The following ERC1 variants were observed in gnomAD, a reference collection of about 807,000 sequenced individuals.
ERC1 encodes RAB6 interacting protein 2.
A neutral mutation model predicts 132.0 loss-of-function variants in ERC1; 56 were observed. That is an observed-to-expected ratio of 0.42 (90% CI 0.34 to 0.53). The LOEUF is 0.53. Ranked by LOEUF, ERC1 falls within the 20% of genes least tolerant of loss-of-function variation. The probability of loss-of-function intolerance (pLI) is 0.03; values close to 1 mark genes in which losing one functional copy is unlikely to be tolerated. For missense variants in ERC1, 1,202 were observed against 1,349.9 expected, an observed-to-expected ratio of 0.89 and a Z score of 1.72; for synonymous variants, 478 against 476.1, an observed-to-expected ratio of 1.00 and a Z score of -0.05.
intron 12 of ERC1, among the ~76,000 whole-genome samples, chr12:1,235,339 A>T (rs2154302309): frequency 6.6e-6 from 1 of 152,364 alleles, no homozygotes; most frequent in South Asian, 2.1e-4. Flanking sequence ...AGCCTTGGCG[A>T]CTGAGTGAGA....
At position 1,082,944 on chromosome 12, in the gene ERC1, T is replaced by C. The variant is rs1288432968; in HGVS notation, c.670-220T>C. ...TATGCAAAGTGAGGAGTGAGTGCCA[T>C]ACTTATTTTGCTTCCTGTTGAGAAT... On this transcript the variant is annotated intron_variant, in intron 2 of 18. Coordinates refer to ENST00000360905, the MANE Select transcript of ERC1 (RefSeq NM_178040.4). 3.9e-5 allele frequency among the ~76,000 whole-genome samples: 6 copies of C among 152,200 alleles called. No homozygotes were observed. The East Asian group carries it at 1.2e-3, about 29-fold the overall frequency.
intron 8 of ERC1, among the ~76,000 whole-genome samples, chr12:1,171,421 T>C (rs1953060231): frequency 6.7e-6 from 1 of 149,052 alleles, no homozygotes; most frequent in Non-Finnish European, 1.5e-5. Flanking sequence ...TTTGTCCGAG[T>C]GTCTGATGGT....
At chr12:1,440,365 C>G (rs1290912620) in intron 17 of ERC1, among the ~76,000 whole-genome samples, 1 of 149,704 alleles carries the variant, frequency 6.7e-6, no homozygotes, top group African/African-American at 2.5e-5. Flanking sequence ...CCACCACGCC[C>G]GGCTAATTTT....
chr12:1,167,936 G>A (rs1408226410), intron 8 of ERC1, among the ~76,000 whole-genome samples: 1 of 151,790 alleles, frequency 6.6e-6, no homozygotes, highest in Non-Finnish European at 1.5e-5. Context: ...GGATGCTCTC[G>A]ATCTCCTGAC....
chr12:1,140,399 A>G (rs1482469498), intron 7 of ERC1, among the ~76,000 whole-genome samples: 1 of 152,156 alleles, frequency 6.6e-6, no homozygotes, highest in African/African-American at 2.4e-5. Flanking sequence ...TGAGTTTGGG[A>G]ATATTTGCAT....
At chr12:1,453,302 C>G (rs915764669) in intron 18 of ERC1, among the ~76,000 whole-genome samples, 2 of 152,148 alleles carry the variant, frequency 1.3e-5, no homozygotes, top group Non-Finnish European at 2.9e-5. Flanking sequence ...CTACTGGACT[C>G]CCTGTCTCCT....
chr12:1,198,423 C>T (rs2154281827), intron 12 of ERC1, among the ~76,000 whole-genome samples: 1 of 152,292 alleles, frequency 6.6e-6, no homozygotes, highest in Middle Eastern at 3.4e-3. Flanking sequence ...TGCACTGCTA[C>T]AATTATTCTG....
chr12:1,297,538 C>CAAAA (rs34023344), intron 15 of ERC1, among the ~76,000 whole-genome samples: 2 of 80,548 alleles, frequency 2.5e-5, no homozygotes, highest in African/African-American at 4.6e-5. Context: ...CCTGTTTCTA[C>CAAAA]AAAAAAAAAA....
rs7309184 is a variant in ERC1, at chr12:1,034,813, C to G, written c.669+6241C>G. ...GTGTGGAAAATACGTAATATCCTTT[C>G]TAAGTATCAGTCTGCATTCAAAGAC... On this transcript the variant is annotated intron_variant, in intron 2 of 18. Transcript: ENST00000360905. 6.9e-3 allele frequency among the ~76,000 whole-genome samples: 1,053 copies of G among 152,326 alleles called. 12 individuals are homozygous for G. Among genetic ancestry groups the G allele is most frequent in the Non-Finnish European group, 0.011 (762 of 68,032 alleles).
intron 2 of ERC1, among the ~76,000 whole-genome samples, chr12:1,035,648 C>G (rs1968909189): frequency 6.6e-6 from 1 of 152,098 alleles, no homozygotes; most frequent in African/African-American, 2.4e-5. Context: ...TGGGGCCGGG[C>G]TCAGTGGCTC....
At chr12:1,111,448 T>G (rs1252668594) in intron 5 of ERC1, among the ~76,000 whole-genome samples, 1 of 152,196 alleles carries the variant, frequency 6.6e-6, no homozygotes, top group African/African-American at 2.4e-5. Flanking sequence ...TGTGAAGGAA[T>G]GATAACATCA....
chr12:1,442,961 G>GC (rs1159521354), intron 17 of ERC1, among the ~76,000 whole-genome samples: 2 of 152,022 alleles, frequency 1.3e-5, no homozygotes, highest in Non-Finnish European at 1.5e-5. Context: ...AGGCTGGAGT[G>GC]CAGTGGTGTG....
At position 1,490,268 on chromosome 12, in the gene ERC1, G is replaced by C; in HGVS notation, c.*38G>C. ...GGGAAGCCTGAGGTAGTCAACCCAG[G>C]AGCCAAGAAAAGAGAACTACGAGGA... On this transcript the variant is annotated 3_prime_UTR_variant, in exon 19 of 19. Coordinates refer to ENST00000360905, the MANE Select transcript of ERC1 (RefSeq NM_178040.4). The C allele has an allele frequency of 6.3e-7, 1 of 1,598,458 alleles. No homozygotes were observed. The highest frequency in any genetic ancestry group is 8.5e-7 in the Non-Finnish European group (1 of 1,170,172).
At chr12:1,153,830 G>A (rs979382560) in intron 8 of ERC1, among the ~76,000 whole-genome samples, 12 of 152,118 alleles carry the variant, frequency 7.9e-5, no homozygotes, top group African/African-American at 2.9e-4. Flanking sequence ...CCAGCCCTGC[G>A]CCTTCCCCTG....
At chr12:1,139,029 C>T (rs992212397) in intron 7 of ERC1, among the ~76,000 whole-genome samples, 2 of 152,170 alleles carry the variant, frequency 1.3e-5, no homozygotes, top group Admixed American at 6.5e-5. Context: ...AATACGATAC[C>T]TGAGAACAGA....
Position 1,492,707 on chromosome 12 carries a change from C to T in ERC1, c.*2477C>T, listed in dbSNP as rs967686902. On this transcript the variant is annotated 3_prime_UTR_variant, in exon 19 of 19. Coordinates refer to ENST00000360905, the MANE Select transcript of ERC1 (RefSeq NM_178040.4). ...GTGAACAGCAAGGAATCTTCTTGAC[C>T]GTTCTTGGGCACTGGAGGCTGGCTA... The T allele has an allele frequency of 3.0e-5, 7 of 232,600 alleles. No homozygotes were observed. The highest frequency in any genetic ancestry group is 6.0e-5 in the East Asian group (1 of 16,530). 14.4% of individuals were successfully genotyped at this position (232,600 alleles called of 1,614,324 possible).
intron 15 of ERC1, among the ~76,000 whole-genome samples, chr12:1,359,193 T>C (rs2085834644): frequency 6.6e-6 from 1 of 152,168 alleles, no homozygotes; most frequent in Admixed American, 6.5e-5. Flanking sequence ...TCAGTAATTG[T>C]AGCATGGTGA....
At chr12:1,182,650 G>A (rs1387210167) in intron 10 of ERC1, among the ~76,000 whole-genome samples, 1 of 146,724 alleles carries the variant, frequency 6.8e-6, no homozygotes, top group Admixed American at 6.7e-5. Context: ...TTTTAATAGG[G>A]AAAAATGTGA....
At chr12:1,342,084 T>C (rs776750191) in intron 15 of ERC1, among the ~76,000 whole-genome samples, 5 of 151,930 alleles carry the variant, frequency 3.3e-5, no homozygotes, top group Non-Finnish European at 7.4e-5. Context: ...TATAATAATA[T>C]AAAGGAAGTA....
Sources: gnomAD v4.1 joint callset for allele counts (sites outside exome capture counted in the v4.1 genomes callset) on GRCh38, gnomAD v4.1.1 for gene constraint, MANE v1.5 for transcripts, NCBI Gene and HGNC (gene_info 2026-07-23, HGNC 2026-07-21) for gene names.